NUP43: variants seen among roughly 807,000 people sequenced by gnomAD.
NUP43 encodes the protein nucleoporin 43.
NUP43 carries 32 observed loss-of-function variants against 47.3 expected under a neutral mutation model. The observed-to-expected ratio is 0.68, with a 90% CI of 0.51 to 0.91. The LOEUF (loss-of-function observed/expected upper bound fraction) is 0.91, where lower values mean the gene tolerates loss of function less well. Among genes scored for constraint, NUP43 ranks in the 40% least tolerant of loss-of-function variants. The pLI is 0.00. For synonymous variants in NUP43, 147 were observed against 158.4 expected, an observed-to-expected ratio of 0.93 and a Z score of 0.54; for missense variants, 444 against 453.9, an observed-to-expected ratio of 0.98 and a Z score of 0.20.
At chr6:149,731,919 T>C (rs564277613) in intron 6 of NUP43, among the ~76,000 whole-genome samples, 184 bp from the exon 7 acceptor site, 22 of 152,236 alleles carry the variant, frequency 1.4e-4, no homozygotes, top group African/African-American at 3.6e-4. Flanking sequence ...CCAATGGCTA[T>C]AACACATAGA....
rs1474026006 is a variant in NUP43 at position 149,725,889 on chromosome 6, C to T, written c.*1080G>A. On this transcript the variant is annotated 3_prime_UTR_variant, in exon 8 of 8. Coordinates refer to ENST00000340413, the MANE Select transcript of NUP43 (RefSeq NM_198887.3). ...AGGATCAAAATGGCAAAATTCTTTA[C>T]TCTGATCATATCATTTGATTAATCA... 1 of 152,146 alleles carries T rather than the reference C, an allele frequency of 6.6e-6. No individual in the cohort carries two copies. The highest frequency in any genetic ancestry group is 2.4e-5 in the African/African-American group (1 of 41,446). 9.4% of individuals were successfully genotyped at this position (152,146 alleles called of 1,614,324 possible). A position where few individuals can be genotyped will look rare whatever the true frequency, so the allele number is the denominator to read the frequency against.
upstream of NUP43, among the ~76,000 whole-genome samples, chr6:149,748,384 C>T (rs376451820): frequency 7.6e-4 from 116 of 152,216 alleles, no homozygotes; most frequent in South Asian, 0.023. Context: ...TCACATAATC[C>T]CAGAAAATAG....
chr6:149,748,237 G>A (rs374660499), upstream of NUP43, among the ~76,000 whole-genome samples: 3 of 151,998 alleles, frequency 2.0e-5, no homozygotes, highest in South Asian at 2.1e-4. Context: ...TGCTTGAACC[G>A]GGACCTGGGA....
chr6:149,746,164 T>C (rs1192359780), intron 1 of NUP43, 102 bp from the exon 2 acceptor site: 1 of 1,405,836 alleles, frequency 7.1e-7, no homozygotes, highest in South Asian at 1.3e-5. Flanking sequence ...ACATCTCAAA[T>C]GGTATGGTGA....
At chr6:149,739,043 C>T (rs867341731) in intron 4 of NUP43, among the ~76,000 whole-genome samples, 1 of 150,706 alleles carries the variant, frequency 6.6e-6, no homozygotes. Flanking sequence ...TGCAATGGCG[C>T]GATCTCGGCT....
chr6:149,730,516 TAGTA>T (rs1784982823), intron 7 of NUP43, among the ~76,000 whole-genome samples: 1 of 152,206 alleles, frequency 6.6e-6, no homozygotes, highest in South Asian at 2.1e-4. Flanking sequence ...AGCCATACAG[TAGTA>T]AGTAACTTGA....
chr6:149,745,920 T>C lies in NUP43; in HGVS notation c.243+20A>G. 2 of 1,590,622 alleles carry C rather than the reference T, an allele frequency of 1.3e-6. No homozygotes were observed. Among genetic ancestry groups the C allele is most frequent in the African/African-American group, 1.4e-5 (1 of 73,782 alleles). ...ACTCAGGACTTTCAAAGTTAGCTTT[T>C]GGATGCTACACAGATTTACCTGTAA... is the stretch of plus-strand genomic sequence containing the variant. On this transcript the variant is annotated intron_variant, in intron 2 of 7. Transcript: ENST00000340413.
At chr6:149,733,534 C>T (rs193283653) in intron 6 of NUP43, among the ~76,000 whole-genome samples, 134 of 152,132 alleles carry the variant, frequency 8.8e-4, no homozygotes, top group African/African-American at 3.1e-3. Flanking sequence ...CAGCCTTGAC[C>T]TCCAAGGCTT....
chr6:149,746,242 G>A, intron 1 of NUP43, 134 bp downstream of exon 1: 2 of 1,398,812 alleles, frequency 1.4e-6, no homozygotes, highest in Admixed American at 2.0e-5. Flanking sequence ...GAGCAACCGC[G>A]CCTGAGACAG....
chr6:149,736,842 T>C (rs891582788), intron 5 of NUP43, among the ~76,000 whole-genome samples: 13 of 152,116 alleles, frequency 8.5e-5, no homozygotes, highest in African/African-American at 2.9e-4. Flanking sequence ...GTGTGTACCA[T>C]CATGCCTGGT....
chr6:149,736,632 G>A lies in NUP43; in HGVS notation c.639-10C>T. 1 of 1,568,400 alleles carries A rather than the reference G, an allele frequency of 6.4e-7. No homozygotes were observed. The highest frequency in any genetic ancestry group is 8.7e-7 in the Non-Finnish European group (1 of 1,145,280). Reference sequence around the variant, plus strand: ...CACTCGGTCACCAGTCCTTTTGTGGGAGATAACAATGACGTCAAAATCAAA... The same window carrying A: ...CACTCGGTCACCAGTCCTTTTGTGGAAGATAACAATGACGTCAAAATCAAA... On this transcript the variant is annotated splice_polypyrimidine_tract_variant and intron_variant, in intron 5 of 7. Transcript: ENST00000340413.
upstream of NUP43, chr6:149,746,646 A>T (rs762645127): frequency 1.3e-6 from 2 of 1,578,152 alleles, no homozygotes; most frequent in Non-Finnish European, 1.7e-6. Flanking sequence ...CAGTGTGGGC[A>T]CAGTCAGTAC....
chr6:149,748,083 A>G (rs1258129822), upstream of NUP43, among the ~76,000 whole-genome samples: 1 of 152,218 alleles, frequency 6.6e-6, no homozygotes, highest in African/African-American at 2.4e-5. Flanking sequence ...TGGGAGGCCA[A>G]GGCAGGCAGA....
rs773705741 is a variant in NUP43, at chr6:149,726,933, G to C, written c.*36C>G. ...GAAGTTGGATTTCAAAAGGCTAATT[G>C]CATGTTCTATCTGAAATCTTATAAT... On this transcript the variant is annotated 3_prime_UTR_variant, in exon 8 of 8. Transcript: ENST00000340413. 1 of 1,527,956 alleles carries C rather than the reference G, an allele frequency of 6.5e-7. No individual in the cohort carries two copies. The highest frequency in any genetic ancestry group is 1.4e-5 in the African/African-American group (1 of 72,390). 94.6% of individuals were successfully genotyped at this position (1,527,956 alleles called of 1,614,324 possible). A position where few individuals can be genotyped will look rare whatever the true frequency, so the allele number is the denominator to read the frequency against.
chr6:149,727,245 T>C (rs765341197), intron 7 of NUP43, 47 bp from the exon 8 acceptor site: 5 of 1,569,710 alleles, frequency 3.2e-6, no homozygotes, highest in Non-Finnish European at 4.3e-6. Context: ...ATGATTTTTA[T>C]ATTAGTAAAC....
upstream of NUP43, among the ~76,000 whole-genome samples, chr6:149,748,186 C>T (rs935874055): frequency 1.3e-5 from 2 of 152,000 alleles, no homozygotes; most frequent in African/African-American, 4.8e-5. Flanking sequence ...CATGGTGGTG[C>T]GTGCCTGTAA....
At chr6:149,741,533 GTCTCTC>G (rs1168257819) in intron 4 of NUP43, among the ~76,000 whole-genome samples, 2 of 151,038 alleles carry the variant, frequency 1.3e-5, no homozygotes, top group African/African-American at 4.9e-5. Context: ...TTTAGATGAA[GTCTCTC>G]TCTGTCACAA....
intron 2 of NUP43, among the ~76,000 whole-genome samples, chr6:149,744,470 C>T (rs1467047223): frequency 1.3e-5 from 2 of 150,598 alleles, no homozygotes; most frequent in Non-Finnish European, 2.9e-5. Context: ...TTGCAGTGAG[C>T]CGAGATCGAG....
rs765870125 is a variant in NUP43 at position 149,746,364 on chromosome 6, C to T, written c.120+12G>A. ...GGAGGAGGTAGGGGCTCGTCCCTATCAGCGGCGATACCTCATTGTCCCAAG... is the reference window on the plus strand; with the variant it reads ...GGAGGAGGTAGGGGCTCGTCCCTATTAGCGGCGATACCTCATTGTCCCAAG... On this transcript the variant is annotated intron_variant, in intron 1 of 7. Transcript: ENST00000340413. 2.5e-6 allele frequency: 4 copies of T among 1,612,880 alleles called. No individual in the cohort carries two copies. Among genetic ancestry groups the T allele is most frequent in the Non-Finnish European group, 3.4e-6 (4 of 1,179,148 alleles).
Sources: allele counts gnomAD v4.1 joint callset (sites outside exome capture counted in the v4.1 genomes callset), GRCh38; gene constraint gnomAD v4.1.1; transcripts MANE v1.5; gene names NCBI Gene and HGNC (gene_info 2026-07-23, HGNC 2026-07-21).